The following TTC9 variants were observed in gnomAD, a reference collection of about 807,000 sequenced individuals.
The protein encoded by TTC9 is tetratricopeptide repeat protein 9A.
A neutral mutation model predicts 22.9 loss-of-function variants in TTC9; 13 were observed. The ratio of observed to expected loss-of-function variants is 0.57; its 90% CI spans 0.37 to 0.90. TTC9 has a LOEUF of 0.90. TTC9 is among the 40% of genes least tolerant of loss of function. TTC9 has a pLI of 0.01. For missense variants in TTC9, 280 were observed against 291.8 expected (o/e 0.96, Z 0.29); for synonymous variants, 148 against 133.2 (o/e 1.11, Z -0.77).
rs1480143735 is a variant in TTC9, at chr14:70,642,311, A to G, written c.182A>G (p.Lys61Arg). 6 of 1,565,332 alleles carry G rather than the reference A, an allele frequency of 3.8e-6. No homozygotes were observed. Among genetic ancestry groups the G allele is most frequent in the Non-Finnish European group, 4.3e-6 (5 of 1,157,550 alleles). Residue 61 changes from lysine (K) to arginine (R), a missense_variant, in exon 1 of 3, where the codon AAA (lysine) becomes AGA (arginine). Lys to Arg is a conservative substitution (Grantham distance 26). Coordinates refer to ENST00000256367, the MANE Select transcript of TTC9 (RefSeq NM_015351.2). ...AELIRRAHEFKSQGAQCYKDK... is the reference protein window; with the variant it reads ...AELIRRAHEFRSQGAQCYKDK... ...CTCATCCGACGAGCGCACGAGTTCA[A>G]AAGCCAAGGGGCGCAGTGCTACAAG...
intron 1 of TTC9, among the ~76,000 whole-genome samples, chr14:70,663,260 C>T (rs1335075546): frequency 1.3e-5 from 2 of 152,214 alleles, no homozygotes; most frequent in African/African-American, 4.8e-5. Context: ...CTCTCGCTCC[C>T]TCTCTTTCTT....
chr14:70,664,887 C>G (rs889272117), intron 1 of TTC9, among the ~76,000 whole-genome samples: 37 of 152,262 alleles, frequency 2.4e-4, no homozygotes, highest in Admixed American at 2.3e-3. Flanking sequence ...CTTGCCTCCC[C>G]CAAAGTCTGA....
At chr14:70,655,431 G>A (rs1886050859) in intron 1 of TTC9, among the ~76,000 whole-genome samples, 1 of 151,786 alleles carries the variant, frequency 6.6e-6, no homozygotes, top group African/African-American at 2.4e-5. Context: ...AAAGAAGAAG[G>A]TAAAACTCTG....
At chr14:70,650,787 C>G (rs1412927214) in intron 1 of TTC9, among the ~76,000 whole-genome samples, 1 of 152,024 alleles carries the variant, frequency 6.6e-6, no homozygotes, top group Non-Finnish European at 1.5e-5. Context: ...ACCTATATTA[C>G]TTGAAAAGGC....
chr14:70,666,788 T>C (rs1245498887), intron 1 of TTC9, among the ~76,000 whole-genome samples: 1 of 152,174 alleles, frequency 6.6e-6, no homozygotes, highest in African/African-American at 2.4e-5. Flanking sequence ...ATATCAGTAA[T>C]ACATGTAAAA....
intron 1 of TTC9, among the ~76,000 whole-genome samples, chr14:70,654,053 C>T (rs1252687916): frequency 6.6e-6 from 1 of 152,118 alleles, no homozygotes; most frequent in Non-Finnish European, 1.5e-5. Flanking sequence ...CTTAATCAGG[C>T]ATCTTGGGAG....
chr14:70,655,292 G>T (rs1297928823), intron 1 of TTC9, among the ~76,000 whole-genome samples: 1 of 152,088 alleles, frequency 6.6e-6, no homozygotes, highest in African/African-American at 2.4e-5. Flanking sequence ...TACTCGGGAG[G>T]CTGAGGCAGG....
chr14:70,661,745 G>A (rs1205239), intron 1 of TTC9, among the ~76,000 whole-genome samples: 5 of 152,190 alleles, frequency 3.3e-5, no homozygotes, highest in Admixed American at 6.5e-5. Context: ...CATGAGTGTC[G>A]CGGGGGCTCT....
rs758862304 is a variant in TTC9 at position 70,659,122 on chromosome 14, A to ACACACACGCGCGCGCG, written c.407-8435_407-8434insGCGCGCGCGCACACAC. On this transcript the variant is annotated intron_variant, in intron 1 of 2. Coordinates refer to ENST00000256367, the MANE Select transcript of TTC9 (RefSeq NM_015351.2). ...ACGATAAAACTGTATATAACTAAAC[A>ACACACACGCGCGCGCG]CACACACACGCACACACACACACAC... 7.0e-5 allele frequency among the ~76,000 whole-genome samples: 3 copies of ACACACACGCGCGCGCG among 43,118 alleles called. No individual in the cohort carries two copies. In the East Asian group the frequency reaches 1.4e-3, roughly 20 times the overall value. 28.3% of individuals were successfully genotyped at this position (43,118 alleles called of 152,430 possible).
At chr14:70,663,994 C>G (rs1328610285) in intron 1 of TTC9, among the ~76,000 whole-genome samples, 3 of 152,160 alleles carry the variant, frequency 2.0e-5, no homozygotes, top group African/African-American at 7.2e-5. Flanking sequence ...TACTTCATTT[C>G]TCTGGAACTC....
intron 1 of TTC9, among the ~76,000 whole-genome samples, chr14:70,658,682 A>G (rs1393427307): frequency 6.6e-6 from 1 of 152,238 alleles, no homozygotes; most frequent in Non-Finnish European, 1.5e-5. Flanking sequence ...ATGACAAGAA[A>G]TGAAATTCTT....
intron 1 of TTC9, among the ~76,000 whole-genome samples, 158 bp downstream of exon 1, chr14:70,642,693 C>A (rs1451836662): frequency 1.3e-5 from 2 of 152,252 alleles, no homozygotes; most frequent in African/African-American, 4.8e-5. Flanking sequence ...GTGTGACTTT[C>A]AGGATTATGC....
chr14:70,668,655 A>G (rs1248632335), intron 2 of TTC9, among the ~76,000 whole-genome samples: 1 of 151,064 alleles, frequency 6.6e-6, no homozygotes, highest in African/African-American at 2.4e-5. Context: ...GTTCAAGACC[A>G]GTCTGAGCAA....
rs1032757565 is a variant in TTC9, at chr14:70,642,560, C to G, written c.406+25C>G. 6 of 1,512,786 alleles carry G rather than the reference C, an allele frequency of 4.0e-6. No individual in the cohort carries two copies. In the Admixed American group the frequency reaches 1.1e-4, roughly 27 times the overall value. 93.7% of individuals were successfully genotyped at this position (1,512,786 alleles called of 1,614,324 possible). The stretch of plus-strand genomic sequence containing the variant: ...GGTGAGCCGCGCCGCGCCCCCCGCG[C>G]CGCGGTCCCCGTTCTTCGGCCCGGT... On this transcript the variant is annotated intron_variant, in intron 1 of 2. Coordinates refer to ENST00000256367, the MANE Select transcript of TTC9 (RefSeq NM_015351.2).
chr14:70,670,602 T>C (rs566363822), intron 2 of TTC9, among the ~76,000 whole-genome samples: 33 of 152,052 alleles, frequency 2.2e-4, no homozygotes, highest in African/African-American at 7.5e-4. Flanking sequence ...CAAACCAAGA[T>C]TGCACCACTA....
chr14:70,675,166 A>C lies in TTC9; in HGVS notation c.*4011A>C, dbSNP rs1412150897. On this transcript the variant is annotated 3_prime_UTR_variant, in exon 3 of 3. Transcript: ENST00000256367. ...TTGATTCTTCGCGAATAACATTTTCATATGCTTATTGACCATTTGTACTTC... is the reference window on the plus strand; with the variant it reads ...TTGATTCTTCGCGAATAACATTTTCCTATGCTTATTGACCATTTGTACTTC... 6.6e-6 allele frequency: 1 copy of C among 152,164 alleles called. No individual in the cohort carries two copies. Among genetic ancestry groups the C allele is most frequent in the Non-Finnish European group, 1.5e-5 (1 of 68,028 alleles). The allele number at this position is 152,164 out of a possible 1,614,324, so 9.4% of individuals were successfully genotyped here.
chr14:70,644,441 A>G (rs1885874130), intron 1 of TTC9, among the ~76,000 whole-genome samples: 1 of 152,218 alleles, frequency 6.6e-6, no homozygotes, highest in Admixed American at 6.5e-5. Context: ...TCCTCCATAC[A>G]TTGTCTCTTT....
intron 1 of TTC9, among the ~76,000 whole-genome samples, chr14:70,647,351 A>T (rs890147441): frequency 2.0e-5 from 3 of 152,178 alleles, no homozygotes; most frequent in Non-Finnish European, 2.9e-5. Flanking sequence ...AGGCTTTCAG[A>T]TGAGCCAGGA....
intron 1 of TTC9, among the ~76,000 whole-genome samples, chr14:70,658,043 A>T (rs1304534027): frequency 6.6e-6 from 1 of 152,208 alleles, no homozygotes; most frequent in Non-Finnish European, 1.5e-5. Flanking sequence ...CAGTCCTCAG[A>T]CTTGATAAAG....
Sources: gnomAD v4.1 joint callset for allele counts (sites outside exome capture counted in the v4.1 genomes callset) on GRCh38, gnomAD v4.1.1 for gene constraint, MANE v1.5 for transcripts, NCBI Gene and HGNC (gene_info 2026-07-23, HGNC 2026-07-21) for gene names.